GUCY2F: variants seen among roughly 807,000 people sequenced by gnomAD.
GUCY2F encodes the protein guanylate cyclase 2F, retinal, also known as retinal guanylyl cyclase 2.
A neutral mutation model predicts 73.1 loss-of-function variants in GUCY2F; 61 were observed. That is an observed-to-expected ratio of 0.83 (90% CI 0.68 to 1.03). GUCY2F has a LOEUF of 1.03. GUCY2F is among the 50% of genes least tolerant of loss of function. The pLI is 0.00. For synonymous variants in GUCY2F, 331 were observed against 307.8 expected (o/e 1.08, Z -0.79); for missense variants, 912 against 854.3 (o/e 1.07, Z -0.84).
chrX:109,375,416 T>C (rs672507), intron 19 of GUCY2F, among the ~76,000 whole-genome samples: 27,865 of 110,183 alleles, frequency 0.25, 3,056 homozygotes, highest in East Asian at 0.7. Context: ...AAATTGATCC[T>C]TTGAAAGGGA....
intron 7 of GUCY2F, among the ~76,000 whole-genome samples, chrX:109,441,072 C>T (rs886754470): frequency 8.9e-6 from 1 of 112,054 alleles, no homozygotes; most frequent in Non-Finnish European, 1.9e-5. Flanking sequence ...TCTGGAGTGA[C>T]AGACACATTT....
intron 16 of GUCY2F, among the ~76,000 whole-genome samples, chrX:109,384,104 T>A (rs747482128): frequency 8.9e-6 from 1 of 112,504 alleles, no homozygotes; most frequent in Non-Finnish European, 1.9e-5. Context: ...GCCTCCTTAA[T>A]CATGGCAGCA....
intron 17 of GUCY2F, 53 bp downstream of exon 17, chrX:109,382,065 C>T (rs1309636148): frequency 1.5e-6 from 1 of 663,759 alleles, no homozygotes; most frequent in African/African-American, 2.2e-5. Flanking sequence ...ATGACCTCTC[C>T]AGAAGCAGGT....
chrX:109,448,082 T>G lies in GUCY2F; in HGVS notation c.1556A>C (p.His519Pro). ...GATACTCCTTACCTTACTGCCAAAG[T>G]GGGGATTGATAAACGTTACATCCTC... ...TLEDVTFINP[H>P]FGSKRGSRAS... The change falls in exon 6 of 20, where the codon CAC becomes CCC. Residue 519 changes from histidine to proline, a missense_variant. His to Pro is a moderately conservative substitution (Grantham distance 77, BLOSUM62 -2). Coordinates refer to ENST00000218006, the MANE Select transcript of GUCY2F (RefSeq NM_001522.3). 9.6e-7 allele frequency: 1 copy of G among 1,047,026 alleles called. No individual in the cohort carries two copies. The highest frequency in any genetic ancestry group is 1.3e-6 in the Non-Finnish European group (1 of 746,166). 86.3% of individuals were successfully genotyped at this position (1,047,026 alleles called of 1,213,427 possible). A position where few individuals can be genotyped will look rare whatever the true frequency, so the allele number is the denominator to read the frequency against.
intron 12 of GUCY2F, among the ~76,000 whole-genome samples, chrX:109,393,501 C>T (rs1270679834): frequency 9.0e-6 from 1 of 110,974 alleles, no homozygotes; most frequent in Non-Finnish European, 1.9e-5. Flanking sequence ...CCTCAAATGC[C>T]ACTATGTTGC....
intron 13 of GUCY2F, among the ~76,000 whole-genome samples, chrX:109,392,672 A>G (rs1189110639): frequency 8.9e-6 from 1 of 112,207 alleles, no homozygotes. Context: ...AATGACCAGC[A>G]TGATCTACAG....
chrX:109,386,054 G>A (rs764554693), intron 15 of GUCY2F, among the ~76,000 whole-genome samples: 7 of 110,996 alleles, frequency 6.3e-5, no homozygotes, highest in Non-Finnish European at 1.1e-4. Flanking sequence ...CCCCCACCTC[G>A]GCCTCCCAAA....
At chrX:109,446,437 A>G (rs1452735425) in intron 6 of GUCY2F, among the ~76,000 whole-genome samples, 1 of 111,704 alleles carries the variant, frequency 9.0e-6, no homozygotes, top group Non-Finnish European at 1.9e-5. Context: ...ATATAGATCA[A>G]TGGAACAGAA....
At chrX:109,472,282 A>G (rs1221900685) in intron 2 of GUCY2F, among the ~76,000 whole-genome samples, 20 of 109,825 alleles carry the variant, frequency 1.8e-4, no homozygotes, top group Non-Finnish European at 3.8e-5. Context: ...AAAAAAAAAA[A>G]ACCTCCCAAT....
At chrX:109,462,130 T>A (rs1315104755) in intron 3 of GUCY2F, among the ~76,000 whole-genome samples, 1 of 112,663 alleles carries the variant, frequency 8.9e-6, no homozygotes, top group Non-Finnish European at 1.9e-5. Context: ...GAAAGAAAGG[T>A]AGCTGTGAGC....
chrX:109,455,622 G>C lies in GUCY2F; in HGVS notation c.1033-1763C>G, dbSNP rs186298012. 7.0e-4 allele frequency among the ~76,000 whole-genome samples: 78 copies of C among 111,213 alleles called. 1 individual carries two copies. The highest frequency in any genetic ancestry group is 2.5e-3 in the African/African-American group (76 of 30,653). ...AATTTAGCTTGTAGACATTTTTATA[G>C]CCTGTTTAAGGGTTCTTCATCTCGC... On this transcript the variant is annotated intron_variant, in intron 3 of 19. Transcript: ENST00000218006.
At chrX:109,471,425 A>C (rs1183718518) in intron 2 of GUCY2F, among the ~76,000 whole-genome samples, 1 of 112,416 alleles carries the variant, frequency 8.9e-6, no homozygotes, top group Non-Finnish European at 1.9e-5. Flanking sequence ...TCCTGAATGA[A>C]TGCAACCCTA....
In GUCY2F at chrX:109,404,361, G is replaced by A; in HGVS notation, c.2092C>T (p.Leu698=). Residue 698 remains leucine (L), a synonymous_variant, in exon 10 of 20, where the codon CTG becomes TTG. Transcript: ENST00000218006. ...DYGFNDILEM[L]RLSEEESSME... ...GAAGATTCCTCTTCAGAGAGTCTCA[G>A]CATTTCTAAGATGTCGTTAAAGCCA... 1.7e-6 allele frequency: 2 copies of A among 1,198,520 alleles called. No individual in the cohort carries two copies. Among genetic ancestry groups the A allele is most frequent in the Non-Finnish European group, 2.3e-6 (2 of 883,996 alleles).
chrX:109,432,103 C>G (rs1447160243), intron 7 of GUCY2F, among the ~76,000 whole-genome samples: 1 of 111,135 alleles, frequency 9.0e-6, no homozygotes, highest in Admixed American at 9.5e-5. Flanking sequence ...TTCTCAAGCC[C>G]CACCCAACAC....
intron 8 of GUCY2F, among the ~76,000 whole-genome samples, chrX:109,425,479 A>T (rs766448003): frequency 2.9e-4 from 32 of 109,423 alleles, no homozygotes; most frequent in Non-Finnish European, 5.9e-4. Flanking sequence ...CATGAAAAGG[A>T]ATGAATTAAT....
intron 7 of GUCY2F, among the ~76,000 whole-genome samples, chrX:109,431,421 G>A (rs1010540899): frequency 8.1e-5 from 9 of 111,589 alleles, no homozygotes; most frequent in African/African-American, 1.3e-4. Flanking sequence ...TAACCGGGCC[G>A]GGCGCGGTGG....
At chrX:109,455,028 T>C (rs935022848) in intron 3 of GUCY2F, among the ~76,000 whole-genome samples, 8 of 111,899 alleles carry the variant, frequency 7.1e-5, no homozygotes, top group African/African-American at 2.6e-4. Flanking sequence ...GTGTAGCAGA[T>C]AGCAAGACAC....
intron 14 of GUCY2F, among the ~76,000 whole-genome samples, chrX:109,389,761 TATCATC>T (rs377763670): frequency 9.0e-6 from 1 of 111,233 alleles, no homozygotes; most frequent in Non-Finnish European, 1.9e-5. Flanking sequence ...TCATCAACAT[TATCATC>T]ATCATCATCA....
rs930306722 is a variant in GUCY2F, at chrX:109,468,208, A to G, written c.731-2765T>C. Among the ~76,000 whole-genome samples the G allele has an allele frequency of 2.7e-5, 3 of 112,341 alleles. No individual in the cohort carries two copies. In the Admixed American group the frequency reaches 2.8e-4, roughly 11 times the overall value. ...GGAAACTGACTTGTGACACTGGATT[A>G]GAGCCCCCACCTTACCCTGAGATAA... On this transcript the variant is annotated intron_variant, in intron 2 of 19. Coordinates refer to ENST00000218006, the MANE Select transcript of GUCY2F (RefSeq NM_001522.3).
Sources: allele counts gnomAD v4.1 joint callset (sites outside exome capture counted in the v4.1 genomes callset), GRCh38; gene constraint gnomAD v4.1.1; transcripts MANE v1.5; gene names NCBI Gene and HGNC (gene_info 2026-07-23, HGNC 2026-07-21).